Variants in MCUB observed in about 807,000 individuals in gnomAD.
MCUB encodes mitochondrial calcium uniporter dominant negative subunit beta.
MCUB carries 46 observed loss-of-function variants against 41.4 expected under a neutral mutation model. That is an observed-to-expected ratio of 1.11 (90% CI 0.88 to 1.42). The LOEUF (loss-of-function observed/expected upper bound fraction) is 1.42, where lower values mean the gene tolerates loss of function less well. Among genes scored for constraint, MCUB ranks in the 40% most tolerant of loss-of-function variants. The pLI, the probability that MCUB is intolerant of heterozygous loss-of-function variation, is 0.00. For synonymous variants in MCUB, 148 were observed against 148.2 expected (o/e 1.00, Z 0.01); for missense variants, 403 against 404.9 (o/e 1.00, Z 0.04).
intron 1 of MCUB, among the ~76,000 whole-genome samples, chr4:109,583,159 G>A (rs775558451): frequency 2.0e-5 from 3 of 152,154 alleles, no homozygotes; most frequent in East Asian, 1.9e-4. Context: ...TGGGCGGTAC[G>A]GCCATTTTCA....
intron 1 of MCUB, among the ~76,000 whole-genome samples, chr4:109,625,091 G>C (rs1472237675): frequency 6.6e-6 from 1 of 152,138 alleles, no homozygotes; most frequent in Non-Finnish European, 1.5e-5. Flanking sequence ...AGTGAGCTGA[G>C]ATCGCACCAC....
Position 109,608,624 on chromosome 4 carries a change from C to T in MCUB, c.99+48188C>T, listed in dbSNP as rs544235890. ...CACTCAACCTCTTGAGTAGCTGGGA[C>T]TACAGGCATGCACCACCACATCCAG... On this transcript the variant is annotated intron_variant, in intron 1 of 7. Transcript: ENST00000394650. 3.3e-5 allele frequency among the ~76,000 whole-genome samples: 5 copies of T among 152,108 alleles called. No homozygotes were observed. In the East Asian group the frequency reaches 7.7e-4, roughly 24 times the overall value.
chr4:109,597,899 C>G (rs1342463582), intron 1 of MCUB, among the ~76,000 whole-genome samples: 1 of 151,000 alleles, frequency 6.6e-6, no homozygotes, highest in Non-Finnish European at 1.5e-5. Context: ...GGCAGAGACG[C>G]TCCTCACCTC....
intron 4 of MCUB, among the ~76,000 whole-genome samples, chr4:109,670,216 CT>C (rs1242716025): frequency 6.6e-6 from 1 of 152,158 alleles, no homozygotes; most frequent in Non-Finnish European, 1.5e-5. Context: ...AGGTCTCAGT[CT>C]TTTAGTGAGC....
At chr4:109,638,427 AAAC>A (rs1377642824) in intron 1 of MCUB, among the ~76,000 whole-genome samples, 11 of 144,690 alleles carry the variant, frequency 7.6e-5, no homozygotes, top group Admixed American at 5.7e-4. Flanking sequence ...AAAAAAAAAA[AAAC>A]CATACATTAA....
At chr4:109,561,592 A>G (rs527483591) in intron 1 of MCUB, among the ~76,000 whole-genome samples, 8 of 152,234 alleles carry the variant, frequency 5.3e-5, no homozygotes, top group Non-Finnish European at 8.8e-5. Context: ...GTAAAATGGT[A>G]GACTTATAAA....
chr4:109,571,002 A>G (rs1726902027), intron 1 of MCUB, among the ~76,000 whole-genome samples: 1 of 152,208 alleles, frequency 6.6e-6, no homozygotes, highest in Admixed American at 6.5e-5. Flanking sequence ...GGGAAGAATC[A>G]GAGTCAGTAG....
At chr4:109,580,154 T>C (rs1025753339) in intron 1 of MCUB, among the ~76,000 whole-genome samples, 2 of 152,212 alleles carry the variant, frequency 1.3e-5, no homozygotes, top group Admixed American at 6.5e-5. Context: ...CTTGCAATAG[T>C]TTGCTCGGAG....
At chr4:109,593,419 T>A (rs1410622029) in intron 1 of MCUB, among the ~76,000 whole-genome samples, 1 of 152,226 alleles carries the variant, frequency 6.6e-6, no homozygotes, top group Non-Finnish European at 1.5e-5. Flanking sequence ...AAGCCCCACT[T>A]GATGCAGCCC....
At chr4:109,639,283 C>T (rs965972817) in intron 1 of MCUB, among the ~76,000 whole-genome samples, 2 of 152,160 alleles carry the variant, frequency 1.3e-5, no homozygotes, top group African/African-American at 2.4e-5. Flanking sequence ...ACATTAATCT[C>T]CTTTTACATT....
intron 4 of MCUB, among the ~76,000 whole-genome samples, chr4:109,675,608 G>A (rs1729558085): frequency 6.6e-6 from 1 of 152,204 alleles, no homozygotes; most frequent in South Asian, 2.1e-4. Flanking sequence ...TTAGAGCAGT[G>A]CTGTACTTTG....
At chr4:109,635,686 G>C (rs1347282600) in intron 1 of MCUB, among the ~76,000 whole-genome samples, 1 of 152,086 alleles carries the variant, frequency 6.6e-6, no homozygotes, top group Non-Finnish European at 1.5e-5. Flanking sequence ...CTCTACAAGG[G>C]AGCGTCTTCC....
At chr4:109,663,842 G>A (rs1482536657) in intron 3 of MCUB, among the ~76,000 whole-genome samples, 2 of 151,932 alleles carry the variant, frequency 1.3e-5, no homozygotes, top group Non-Finnish European at 2.9e-5. Flanking sequence ...CCAGAAGAGG[G>A]CAGGAACTAA....
intron 1 of MCUB, among the ~76,000 whole-genome samples, chr4:109,619,984 C>T (rs1728220141): frequency 6.6e-6 from 1 of 152,076 alleles, no homozygotes; most frequent in African/African-American, 2.4e-5. Context: ...TGTGGATACC[C>T]ATCCCTGCCT....
At chr4:109,568,767 G>A (rs1378367319) in intron 1 of MCUB, among the ~76,000 whole-genome samples, 2 of 152,180 alleles carry the variant, frequency 1.3e-5, no homozygotes, top group African/African-American at 4.8e-5. Context: ...AGCAATCTGT[G>A]GTCGGAACTG....
At chr4:109,585,143 C>CAT (rs1459956569) in intron 1 of MCUB, among the ~76,000 whole-genome samples, 1 of 152,130 alleles carries the variant, frequency 6.6e-6, no homozygotes, top group Admixed American at 6.6e-5. Flanking sequence ...GTATTGGGTG[C>CAT]ATATATATTT....
intron 1 of MCUB, among the ~76,000 whole-genome samples, chr4:109,570,384 A>C (rs1726887458): frequency 6.6e-6 from 1 of 152,234 alleles, no homozygotes; most frequent in Non-Finnish European, 1.5e-5. Flanking sequence ...ATGAGGTATA[A>C]GGAGATAGCT....
intron 1 of MCUB, among the ~76,000 whole-genome samples, chr4:109,582,490 C>T (rs927383219): frequency 3.4e-5 from 5 of 148,740 alleles, no homozygotes; most frequent in Non-Finnish European, 7.4e-5. Flanking sequence ...CAAACCTGCA[C>T]GTGGGGCACA....
chr4:109,674,220 G>A (rs1729523499), intron 4 of MCUB: 2 of 751,480 alleles, frequency 2.7e-6, no homozygotes, highest in South Asian at 2.9e-5. Flanking sequence ...AATTTGTATG[G>A]GTTTAGATGG....
Sources: allele counts gnomAD v4.1 joint callset (sites outside exome capture counted in the v4.1 genomes callset), GRCh38; gene constraint gnomAD v4.1.1; transcripts MANE v1.5; gene names NCBI Gene and HGNC (gene_info 2026-07-23, HGNC 2026-07-21).